The following SH3D19 variants were observed in gnomAD, a reference collection of about 807,000 sequenced individuals.
SH3D19 encodes the protein SH3 domain-containing protein 19.
In SH3D19, 58 loss-of-function variants were observed where a neutral mutation model predicts 112.1. That is an observed-to-expected ratio of 0.52 (90% CI 0.42 to 0.64). The LOEUF is 0.64. SH3D19 is among the 30% of genes least tolerant of loss of function. The probability of loss-of-function intolerance (pLI) is 0.00; values close to 1 mark genes in which losing one functional copy is unlikely to be tolerated. For synonymous variants in SH3D19, 391 were observed against 448.5 expected (o/e 0.87, Z 1.62); for missense variants, 1,090 against 1,263.4 (o/e 0.86, Z 2.08).
At chr4:151,183,386 T>C (rs1363981892) in intron 3 of SH3D19, among the ~76,000 whole-genome samples, 2 of 152,168 alleles carry the variant, frequency 1.3e-5, no homozygotes, top group African/African-American at 2.4e-5. Flanking sequence ...TTACCACCAA[T>C]AAAGAATCTT....
rs556551739 is a variant in SH3D19 at position 151,227,945 on chromosome 4, C to A, written c.113-1859G>T. 56 of 985,412 alleles carry A rather than the reference C, an allele frequency of 5.7e-5. No individual in the cohort carries two copies. In the African/African-American group the frequency reaches 9.1e-4, roughly 16 times the overall value. 61.0% of individuals were successfully genotyped at this position (985,412 alleles called of 1,614,324 possible). A position where few individuals can be genotyped will look rare whatever the true frequency, so the allele number is the denominator to read the frequency against. On this transcript the variant is annotated intron_variant, in intron 1 of 19. Transcript: ENST00000604030. ...GTAAACAAGACTCAGTATCCAAGGG[C>A]TTCCCTCCAGGGCCTGTTCTGATTG... is the stretch of plus-strand genomic sequence containing the variant.
intron 1 of SH3D19, chr4:151,283,092 CTTT>C: frequency 6.2e-7 from 1 of 1,610,934 alleles, no homozygotes; most frequent in Non-Finnish European, 8.5e-7. Flanking sequence ...TTGCTTTAAT[CTTT>C]TGTTCCTGTC....
At chr4:151,152,304 G>A (rs1755189988) in intron 9 of SH3D19, among the ~76,000 whole-genome samples, 1 of 152,042 alleles carries the variant, frequency 6.6e-6, no homozygotes, top group South Asian at 2.1e-4. Flanking sequence ...ATAACCTCAA[G>A]GCTCTCTGCA....
Position 151,293,451 on chromosome 4 carries a change from C to G in SH3D19, c.112+31790G>C, listed in dbSNP as rs1387689481. Among the ~76,000 whole-genome samples, 4 of 147,134 alleles carry G rather than the reference C, an allele frequency of 2.7e-5. No individual in the cohort carries two copies. The East Asian group carries it at 7.9e-4, about 29-fold the overall frequency. Reference sequence around the variant, plus strand: ...TTGCGCCACTGCACTCCAGCCTGGGCGACAGAGCAAGACTCCGTCTCCAAA... The same window carrying G: ...TTGCGCCACTGCACTCCAGCCTGGGGGACAGAGCAAGACTCCGTCTCCAAA... On this transcript the variant is annotated intron_variant, in intron 1 of 19. Transcript: ENST00000604030.
intron 12 of SH3D19, 43 bp downstream of exon 12, chr4:151,143,867 T>C: frequency 3.8e-6 from 6 of 1,562,332 alleles, no homozygotes; most frequent in Non-Finnish European, 5.2e-6. Context: ...TGAAATGTGC[T>C]GCTATGTGTG....
At chr4:151,213,172 A>C (rs1167668968) in intron 2 of SH3D19, among the ~76,000 whole-genome samples, 1 of 152,260 alleles carries the variant, frequency 6.6e-6, no homozygotes, top group East Asian at 1.9e-4. Flanking sequence ...TGTTGAAACG[A>C]CAACAAAGGA....
chr4:151,154,766 T>C (rs1158696404), intron 9 of SH3D19, among the ~76,000 whole-genome samples: 2 of 151,736 alleles, frequency 1.3e-5, no homozygotes, highest in Non-Finnish European at 1.5e-5. Flanking sequence ...ACTATTTCTT[T>C]TTTTCTTCTG....
At chr4:151,165,440 G>A (rs773557996) in intron 8 of SH3D19, 149 bp downstream of exon 8, 21 of 612,510 alleles carry the variant, frequency 3.4e-5, no homozygotes, top group Non-Finnish European at 4.7e-5. Flanking sequence ...CTAATTCTTC[G>A]AAGAATTGTG....
intron 12 of SH3D19, 143 bp downstream of exon 12, chr4:151,143,767 A>C: frequency 1.1e-6 from 1 of 896,714 alleles, no homozygotes; most frequent in Non-Finnish European, 1.6e-6. Flanking sequence ...ATTTATTCTA[A>C]AAGTAGAATA....
At chr4:151,190,868 A>G (rs554040024) in intron 2 of SH3D19, among the ~76,000 whole-genome samples, 2 of 152,300 alleles carry the variant, frequency 1.3e-5, no homozygotes, top group African/African-American at 4.8e-5. Context: ...TCCAGACCCC[A>G]GAACAGTAGA....
At chr4:151,155,338 C>T (rs1755895783) in intron 9 of SH3D19, among the ~76,000 whole-genome samples, 1 of 152,172 alleles carries the variant, frequency 6.6e-6, no homozygotes, top group Non-Finnish European at 1.5e-5. Context: ...TTGAAAATCA[C>T]AAGTGATCAC....
chr4:151,194,416 C>T (rs1487505397), intron 2 of SH3D19, among the ~76,000 whole-genome samples: 16 of 151,796 alleles, frequency 1.1e-4, no homozygotes, highest in Non-Finnish European at 2.9e-5. Flanking sequence ...TATTAAATGC[C>T]AGGAAAAAAA....
Position 151,166,093 on chromosome 4 carries a change from C to T in SH3D19, c.1535-397G>A, listed in dbSNP as rs188262861. On this transcript the variant is annotated intron_variant, in intron 7 of 19. Coordinates refer to ENST00000604030, the MANE Select transcript of SH3D19 (RefSeq NM_001378122.1). ...GAAAGACTCTTTCCCTGTACACCCC[C>T]TGTGCCTGTCCCAGAATATTTACTC... 3.2e-3 allele frequency: 531 copies of T among 166,226 alleles called. 5 individuals are homozygous for T. The highest frequency in any genetic ancestry group is 0.012 in the African/African-American group (495 of 41,788). The allele number at this position is 166,226 out of a possible 1,614,324, so 10.3% of individuals were successfully genotyped here.
chr4:151,288,997 C>A (rs1036899395), intron 1 of SH3D19, among the ~76,000 whole-genome samples: 1 of 152,146 alleles, frequency 6.6e-6, no homozygotes, highest in Non-Finnish European at 1.5e-5. Flanking sequence ...TCAAAACTAA[C>A]AGTAATCAAG....
intron 7 of SH3D19, among the ~76,000 whole-genome samples, chr4:151,169,318 C>T (rs768862992): frequency 6.6e-6 from 1 of 152,064 alleles, no homozygotes; most frequent in Admixed American, 6.6e-5. Context: ...CTCCATGTGG[C>T]GAGGCAAGGA....
rs1351544135 is a variant in SH3D19 at position 151,249,722 on chromosome 4, C to G, written c.113-23636G>C. 2.6e-5 allele frequency among the ~76,000 whole-genome samples: 4 copies of G among 152,074 alleles called. No individual in the cohort carries two copies. The South Asian group carries it at 8.3e-4, about 31-fold the overall frequency. On this transcript the variant is annotated intron_variant, in intron 1 of 19. Coordinates refer to ENST00000604030, the MANE Select transcript of SH3D19 (RefSeq NM_001378122.1). ...ACAAAGGAACAGAAATCAGATCTGA[C>G]CTTTTTAATGCTTTGATGACTTTCA...
rs1297196125 is a variant in SH3D19 at position 151,174,843 on chromosome 4, G to A, written c.1361C>T (p.Ser454Leu). 6.3e-7 allele frequency: 1 copy of A among 1,590,366 alleles called. No individual in the cohort carries two copies. The highest frequency in any genetic ancestry group is 8.6e-7 in the Non-Finnish European group (1 of 1,168,610). The change falls in exon 7 of 20, where the codon TCA becomes TTA. Residue 454 changes from serine to leucine, a missense_variant. Physicochemically the swap from Ser to Leu is moderately radical, Grantham distance 145. Transcript: ENST00000604030. ...VTVPPRLAGA[S>L]QAKAYKSLGE... Reference sequence around the variant, plus strand: ...CAGTGACTTGTATGCTTTGGCTTGTGATGCCCCTGCGAGTCGGGGAGGAAC... The same window carrying A: ...CAGTGACTTGTATGCTTTGGCTTGTAATGCCCCTGCGAGTCGGGGAGGAAC...
At chr4:151,187,608 C>A in intron 2 of SH3D19, 145 bp from the exon 3 acceptor site, 3 of 424,364 alleles carry the variant, frequency 7.1e-6, no homozygotes, top group Non-Finnish European at 1.2e-5. Context: ...CTTTAAAAAT[C>A]AAAAATTAAA....
intron 2 of SH3D19, among the ~76,000 whole-genome samples, chr4:151,187,978 G>GTC (rs1156398381): frequency 1.3e-5 from 2 of 152,044 alleles, no homozygotes; most frequent in Middle Eastern, 3.4e-3. Context: ...CAGACTCCCT[G>GTC]TCTCTCTCTC....
Sources: allele counts gnomAD v4.1 joint callset (sites outside exome capture counted in the v4.1 genomes callset), GRCh38; gene constraint gnomAD v4.1.1; transcripts MANE v1.5; gene names NCBI Gene and HGNC (gene_info 2026-07-23, HGNC 2026-07-21).